Variants in CAMTA1 observed in about 807,000 individuals in gnomAD.
CAMTA1 encodes calmodulin binding transcription activator 1.
In CAMTA1, 27 loss-of-function variants were observed where a neutral mutation model predicts 170.9. The observed-to-expected ratio is 0.16, with a 90% CI of 0.12 to 0.22. The LOEUF (loss-of-function observed/expected upper bound fraction) is 0.22. Among genes scored for constraint, CAMTA1 ranks in the 10% least tolerant of loss-of-function variants. The pLI, the probability that CAMTA1 is intolerant of heterozygous loss-of-function variation, is 1.00. For missense variants in CAMTA1, 1,619 were observed against 2,217.2 expected (o/e 0.73, Z 5.42); for synonymous variants, 833 against 891.5 (o/e 0.93, Z 1.17).
intron 6 of CAMTA1, among the ~76,000 whole-genome samples, chr1:7,630,451 C>T (rs550968214): frequency 1.7e-4 from 26 of 152,336 alleles, no homozygotes; most frequent in Admixed American, 1.0e-3. Flanking sequence ...GCCCCTGAGC[C>T]GGCATGGTTC....
intron 6 of CAMTA1, among the ~76,000 whole-genome samples, chr1:7,496,423 C>T (rs1417247427): frequency 6.6e-6 from 1 of 152,134 alleles, no homozygotes; most frequent in African/African-American, 2.4e-5. Context: ...AGGGGCAAGT[C>T]CCGTGTGCAC....
chr1:7,709,246 A>C (rs1342293757), intron 11 of CAMTA1, among the ~76,000 whole-genome samples: 1 of 152,180 alleles, frequency 6.6e-6, no homozygotes, highest in African/African-American at 2.4e-5. Flanking sequence ...ATCTTCTACT[A>C]TGCCTAGCAT....
At chr1:7,162,290 G>A (rs966035821) in intron 4 of CAMTA1, among the ~76,000 whole-genome samples, 5 of 152,182 alleles carry the variant, frequency 3.3e-5, no homozygotes, top group Admixed American at 1.3e-4. Flanking sequence ...AACCAAGGGA[G>A]TTCCACAGTT....
chr1:6,924,343 C>T (rs1384160460), intron 3 of CAMTA1, among the ~76,000 whole-genome samples: 1 of 151,950 alleles, frequency 6.6e-6, no homozygotes, highest in African/African-American at 2.4e-5. Flanking sequence ...GGGGGTCAGG[C>T]CAGCTGGGAG....
chr1:6,802,416 G>A (rs1643968722), intron 1 of CAMTA1, among the ~76,000 whole-genome samples: 1 of 152,168 alleles, frequency 6.6e-6, no homozygotes, highest in Non-Finnish European at 1.5e-5. Flanking sequence ...GGTCGACTAT[G>A]AAAGAAGGTT....
chr1:7,331,852 CCTT>C (rs1333246946), intron 5 of CAMTA1, among the ~76,000 whole-genome samples: 1 of 152,182 alleles, frequency 6.6e-6, no homozygotes, highest in Non-Finnish European at 1.5e-5. Flanking sequence ...TGTCCCTCGT[CCTT>C]CTTATTCTGC....
At chr1:6,878,118 C>T (rs895795256) in intron 3 of CAMTA1, among the ~76,000 whole-genome samples, 2 of 152,208 alleles carry the variant, frequency 1.3e-5, no homozygotes, top group East Asian at 1.9e-4. Flanking sequence ...TCCTGTAAAC[C>T]AAACAGCCGT....
At chr1:7,385,566 C>T (rs1241070724) in intron 5 of CAMTA1, among the ~76,000 whole-genome samples, 1 of 152,172 alleles carries the variant, frequency 6.6e-6, no homozygotes, top group African/African-American at 2.4e-5. Context: ...CCCTTAGAGG[C>T]CACTCCTCAC....
chr1:7,722,212 G>A (rs528620675), intron 11 of CAMTA1, among the ~76,000 whole-genome samples: 1 of 152,314 alleles, frequency 6.6e-6, no homozygotes, highest in Admixed American at 6.5e-5. Context: ...CACTGTGGGT[G>A]TCTGATTTCA....
intron 6 of CAMTA1, among the ~76,000 whole-genome samples, chr1:7,470,748 C>A (rs1225490253): frequency 6.6e-6 from 1 of 152,242 alleles, no homozygotes; most frequent in Non-Finnish European, 1.5e-5. Flanking sequence ...CACTGCCCCA[C>A]CTTTGTAGCC....
In CAMTA1 at chr1:7,405,302, T is replaced by A. The variant is rs573669926; in HGVS notation, c.439-62528T>A. ...ACCTCCTCCAGGACTTCCTTGGTAC[T>A]TCTCTCTCTCTGATTTCACTATATA... On this transcript the variant is annotated intron_variant, in intron 5 of 22. Transcript: ENST00000303635. Among the ~76,000 whole-genome samples, 23 of 152,242 alleles carry A rather than the reference T, an allele frequency of 1.5e-4. No homozygotes were observed. The South Asian group carries it at 4.8e-3, about 32-fold the overall frequency.
At chr1:7,021,923 A>G (rs1701409704) in intron 3 of CAMTA1, among the ~76,000 whole-genome samples, 1 of 152,190 alleles carries the variant, frequency 6.6e-6, no homozygotes, top group South Asian at 2.1e-4. Flanking sequence ...ACCGCCGTTC[A>G]GTGAGTGGTT....
intron 6 of CAMTA1, among the ~76,000 whole-genome samples, chr1:7,583,543 T>C (rs1483634066): frequency 6.6e-6 from 1 of 152,094 alleles, no homozygotes; most frequent in Admixed American, 6.5e-5. Flanking sequence ...TGGCCCTGCA[T>C]GGAACGAGGT....
chr1:7,720,489 C>A (rs1247540425), intron 11 of CAMTA1, among the ~76,000 whole-genome samples: 8 of 152,138 alleles, frequency 5.3e-5, no homozygotes, highest in African/African-American at 1.4e-4. Context: ...TCAAGCAATT[C>A]TCCTGCCTCA....
intron 6 of CAMTA1, among the ~76,000 whole-genome samples, chr1:7,514,596 A>C (rs188819284): frequency 6.6e-6 from 1 of 152,214 alleles, no homozygotes; most frequent in Non-Finnish European, 1.5e-5. Context: ...GCATAGAAAC[A>C]ACTCATTTGG....
intron 7 of CAMTA1, among the ~76,000 whole-genome samples, chr1:7,644,854 G>T (rs532589685): frequency 6.6e-6 from 1 of 152,248 alleles, no homozygotes; most frequent in South Asian, 2.1e-4. Context: ...ATTCAGGGCT[G>T]AGTAGAGCTG....
At chr1:7,459,324 C>T (rs1465408149) in intron 5 of CAMTA1, among the ~76,000 whole-genome samples, 1 of 152,208 alleles carries the variant, frequency 6.6e-6, no homozygotes. Flanking sequence ...GAATCCATGT[C>T]ATCCTCTCCT....
Position 7,580,317 on chromosome 1 carries a change from G to A in CAMTA1, c.511-60083G>A, listed in dbSNP as rs757853344. ...GAGCTGTTGGGGGGAATGGGGGCAG[G>A]TGGAGAAGAGGAGGAGCTTTCTGGA... On this transcript the variant is annotated intron_variant, in intron 6 of 22. Transcript: ENST00000303635. This position sits in a 1 kb window ranked among gnomAD's most constrained non-coding sequence, Gnocchi z 4.3. Among the ~76,000 whole-genome samples the A allele has an allele frequency of 4.6e-5, 7 of 151,864 alleles. 1 individual carries two copies. Among genetic ancestry groups the A allele is most frequent in the Non-Finnish European group, 8.8e-5 (6 of 68,024 alleles).
intron 3 of CAMTA1, among the ~76,000 whole-genome samples, chr1:7,082,583 A>T (rs1640179568): frequency 6.6e-6 from 1 of 152,018 alleles, no homozygotes. Context: ...ATTCCTCCAC[A>T]GTTTGGTGCC....
Sources: gnomAD v4.1 joint callset for allele counts (sites outside exome capture counted in the v4.1 genomes callset) on GRCh38, gnomAD v4.1.1 for gene constraint, Gnocchi (gnomAD v3.1) non-coding constraint, MANE v1.5 for transcripts, NCBI Gene and HGNC (gene_info 2026-07-23, HGNC 2026-07-21) for gene names.